The following MTA3 variants were observed in gnomAD, a reference collection of about 807,000 sequenced individuals.
The protein encoded by MTA3 is metastasis-associated protein MTA3.
A neutral mutation model predicts 83.5 loss-of-function variants in MTA3; 34 were observed. That is an observed-to-expected ratio of 0.41 (90% CI 0.31 to 0.54). MTA3 has a LOEUF of 0.54. Ranked by LOEUF, MTA3 falls within the 20% of genes least tolerant of loss-of-function variation. The pLI, the probability that MTA3 is intolerant of heterozygous loss-of-function variation, is 0.33. For synonymous variants in MTA3, 303 were observed against 252.7 expected, an observed-to-expected ratio of 1.20 and a Z score of -1.89; for missense variants, 761 against 726.4, an observed-to-expected ratio of 1.05 and a Z score of -0.55.
intron 2 of MTA3, among the ~76,000 whole-genome samples, chr2:42,543,626 T>C (rs981096902): frequency 4.6e-5 from 7 of 150,750 alleles, no homozygotes; most frequent in Non-Finnish European, 1.0e-4. Flanking sequence ...ACTGGGACTA[T>C]ACTCACTTGG....
intron 3 of MTA3, among the ~76,000 whole-genome samples, chr2:42,580,167 G>A (rs149807023): frequency 6.6e-6 from 1 of 151,950 alleles, no homozygotes; most frequent in African/African-American, 2.4e-5. Context: ...GGCTGGTCTG[G>A]AACTCTTGGG....
chr2:42,646,175 A>C (rs867690493), intron 6 of MTA3, among the ~76,000 whole-genome samples: 4 of 152,352 alleles, frequency 2.6e-5, no homozygotes, highest in Middle Eastern at 6.8e-3. Flanking sequence ...CCTACTGCTT[A>C]GGAAAAAGGA....
At position 42,552,673 on chromosome 2, in the gene MTA3, C is replaced by T. The variant is rs193268498; in HGVS notation, c.-140-17764C>T. On this transcript the variant is annotated intron_variant, in intron 2 of 17. Coordinates refer to the MTA3 transcript ENST00000405592. ...AGAAGAAAAAGAAAAAAGAAAGGGCCAGGCGTGGTGGCTCATGCCTGTAAT... is the reference window on the plus strand; with the variant it reads ...AGAAGAAAAAGAAAAAAGAAAGGGCTAGGCGTGGTGGCTCATGCCTGTAAT... Among the ~76,000 whole-genome samples, 464 of 151,812 alleles carry T rather than the reference C, an allele frequency of 3.1e-3. 1 individual carries two copies. Among genetic ancestry groups the T allele is most frequent in the African/African-American group, 0.011 (441 of 41,444 alleles).
At chr2:42,641,050 G>T (rs1297349789) in intron 5 of MTA3, among the ~76,000 whole-genome samples, 1 of 151,980 alleles carries the variant, frequency 6.6e-6, no homozygotes, top group Non-Finnish European at 1.5e-5. Context: ...GGGATCATAG[G>T]TGCCTGCCAC....
chr2:42,532,738 GTTTTT>G, intron 2 of MTA3: 1 of 197,248 alleles, frequency 5.1e-6, no homozygotes, highest in Non-Finnish European at 1.0e-5. Context: ...CAATCCAGAG[GTTTTT>G]TTTTTTTTAA....
At chr2:42,501,433 A>G (rs892619570) in intron 2 of MTA3, among the ~76,000 whole-genome samples, 1 of 152,116 alleles carries the variant, frequency 6.6e-6, no homozygotes, top group Admixed American at 6.6e-5. Flanking sequence ...TCAAAATGGC[A>G]TATTTTGGGA....
At chr2:42,736,058 G>A (rs962056840) in intron 16 of MTA3, among the ~76,000 whole-genome samples, 1 of 152,106 alleles carries the variant, frequency 6.6e-6, no homozygotes, top group African/African-American at 2.4e-5. Flanking sequence ...CACAGTTTGG[G>A]CTTGTTTGTC....
At position 42,682,430 on chromosome 2, in the gene MTA3, C is replaced by A; in HGVS notation, c.732C>A (p.His244Gln). ...LFHAMDTLYR[H>Q]SYDLSSAISV... is the part of the protein sequence containing the mutation. Reference sequence around the variant, plus strand: ...ACGCTATGGATACATTGTATAGACACAGCTATGATTTGAGCAGTGCCATTA... The same window carrying A: ...ACGCTATGGATACATTGTATAGACAAAGCTATGATTTGAGCAGTGCCATTA... Residue 244 changes from histidine to glutamine, a missense_variant, in exon 9 of 17, where the codon CAC becomes CAA. Physicochemically the swap from His to Gln is conservative, Grantham distance 24. Transcript: ENST00000405094. 1 of 1,609,996 alleles carries A rather than the reference C, an allele frequency of 6.2e-7. No homozygotes were observed. The highest frequency in any genetic ancestry group is 1.1e-5 in the South Asian group (1 of 90,236).
In MTA3 at chr2:42,544,775, T is replaced by C. The variant is rs188097987; in HGVS notation, c.-140-25662T>C. On this transcript the variant is annotated intron_variant, in intron 2 of 17. Coordinates refer to the MTA3 transcript ENST00000405592. Reference sequence around the variant, plus strand: ...ATTCTGACATCAGAAATTCTATCTATAGGAAGAATGAGGAGGATGCAAATG... The same window carrying C: ...ATTCTGACATCAGAAATTCTATCTACAGGAAGAATGAGGAGGATGCAAATG... 1.8e-4 allele frequency among the ~76,000 whole-genome samples: 27 copies of C among 152,274 alleles called. No individual in the cohort carries two copies. The East Asian group carries it at 4.8e-3, about 27-fold the overall frequency.
At chr2:42,506,663 A>G (rs1674645571) in intron 2 of MTA3, among the ~76,000 whole-genome samples, 1 of 151,692 alleles carries the variant, frequency 6.6e-6, no homozygotes, top group Admixed American at 6.6e-5. Context: ...CTTTTTTGAT[A>G]TGGAGTCTCT....
Position 42,707,922 on chromosome 2 carries a change from G to T in MTA3, c.1170G>T (p.Trp390Cys). 6.3e-7 allele frequency: 1 copy of T among 1,598,226 alleles called. No individual in the cohort carries two copies. Among genetic ancestry groups the T allele is most frequent in the Non-Finnish European group, 8.5e-7 (1 of 1,175,118 alleles). Residue 390 changes from tryptophan (W) to cysteine (C), a missense_variant, in exon 13 of 17, where the codon TGG becomes TGT. Physicochemically the swap from Trp to Cys is radical, Grantham distance 215. Transcript: ENST00000405094. Reference sequence around the variant, plus strand: ...CTTTAGCTACACAGTCTCACCAGTGGTATTCTTGGGGCCCACCTAATATGC... The same window carrying T: ...CTTTAGCTACACAGTCTCACCAGTGTTATTCTTGGGGCCCACCTAATATGC... ...ESCYATQSHQ[W>C]YSWGPPNMQC...
chr2:42,612,992 C>T (rs1416567949), intron 4 of MTA3, among the ~76,000 whole-genome samples: 1 of 152,176 alleles, frequency 6.6e-6, no homozygotes, highest in African/African-American at 2.4e-5. Flanking sequence ...TTAATTTACT[C>T]TCCTGATAGC....
At chr2:42,645,430 C>G (rs549976771) in intron 6 of MTA3, among the ~76,000 whole-genome samples, 1 of 152,210 alleles carries the variant, frequency 6.6e-6, no homozygotes, top group African/African-American at 2.4e-5. Flanking sequence ...GAGGCTGAGG[C>G]AAGAGAATCC....
chr2:42,587,305 C>T (rs1449253358), intron 3 of MTA3, among the ~76,000 whole-genome samples: 1 of 152,160 alleles, frequency 6.6e-6, no homozygotes, highest in Non-Finnish European at 1.5e-5. Flanking sequence ...GAACAAGACC[C>T]TGCCTCCCAA....
At chr2:42,618,837 C>T (rs1685213746) in intron 4 of MTA3, among the ~76,000 whole-genome samples, 1 of 152,090 alleles carries the variant, frequency 6.6e-6, no homozygotes, top group Non-Finnish European at 1.5e-5. Context: ...CCTCAAACTC[C>T]TGTCCTAAAG....
intron 2 of MTA3, among the ~76,000 whole-genome samples, chr2:42,552,341 A>G (rs1018514622): frequency 6.6e-6 from 1 of 152,220 alleles, no homozygotes; most frequent in African/African-American, 2.4e-5. Flanking sequence ...GCCCTTTCTT[A>G]GATAAATTAA....
intron 3 of MTA3, among the ~76,000 whole-genome samples, chr2:42,587,721 C>G (rs1404300393): frequency 1.3e-5 from 2 of 152,082 alleles, no homozygotes; most frequent in Admixed American, 6.6e-5. Flanking sequence ...CCTGCTTCAG[C>G]CACCCGAGTA....
chr2:42,749,926 A>G (rs1239381170), intron 16 of MTA3, among the ~76,000 whole-genome samples: 1 of 152,164 alleles, frequency 6.6e-6, no homozygotes, highest in Non-Finnish European at 1.5e-5. Context: ...CATACTATGT[A>G]TGTTTCATAG....
chr2:42,636,236 G>T (rs1205243202), intron 4 of MTA3, among the ~76,000 whole-genome samples: 1 of 152,100 alleles, frequency 6.6e-6, no homozygotes, highest in African/African-American at 2.4e-5. Context: ...GCTTCAAGTT[G>T]TATCAAGGTA....
Sources: gnomAD v4.1 joint callset for allele counts (sites outside exome capture counted in the v4.1 genomes callset) on GRCh38, gnomAD v4.1.1 for gene constraint, MANE v1.5 for transcripts, NCBI Gene and HGNC (gene_info 2026-07-23, HGNC 2026-07-21) for gene names.